Variants in TSC22D1 observed in about 807,000 individuals in gnomAD.
The protein encoded by TSC22D1 is TSC22 domain family member 1, also known as TSC22 domain family protein 1.
In TSC22D1, 9 loss-of-function variants were observed where a neutral mutation model predicts 74.2. The observed-to-expected ratio is 0.12, with a 90% CI of 0.07 to 0.21. The LOEUF is 0.21. Ranked by LOEUF, TSC22D1 falls within the 10% of genes least tolerant of loss-of-function variation. The probability of loss-of-function intolerance (pLI) is 1.00; values close to 1 mark genes in which losing one functional copy is unlikely to be tolerated. For synonymous variants in TSC22D1, 586 were observed against 492.5 expected (o/e 1.19, Z -2.51); for missense variants, 1,427 against 1,304.7 (o/e 1.09, Z -1.44).
chr13:44,555,093 TGGAA>T, intron 1 of TSC22D1, among the ~76,000 whole-genome samples: 1 of 150,008 alleles, frequency 6.7e-6, no homozygotes, highest in South Asian at 2.1e-4. Context: ...TGAATACAAC[TGGAA>T]AGATAACTAG....
At chr13:44,545,440 A>G (rs1354821787) in intron 1 of TSC22D1, among the ~76,000 whole-genome samples, 1 of 152,176 alleles carries the variant, frequency 6.6e-6, no homozygotes, top group Non-Finnish European at 1.5e-5. Context: ...GAAGATCTCT[A>G]AATTGCTCTA....
Position 44,433,228 on chromosome 13 carries a change from G to GGGAA in TSC22D1, c.*1394_*1397dup, listed in dbSNP as rs1874201070. 1 of 152,200 alleles carries GGGAA rather than the reference G, an allele frequency of 6.6e-6. No homozygotes were observed. The highest frequency in any genetic ancestry group is 2.1e-4 in the South Asian group (1 of 4,834). The allele number at this position is 152,200 out of a possible 1,614,324, so 9.4% of individuals were successfully genotyped here. A position where few individuals can be genotyped will look rare whatever the true frequency, so the allele number is the denominator to read the frequency against. On this transcript the variant is annotated 3_prime_UTR_variant, in exon 3 of 3. Coordinates refer to ENST00000458659, the MANE Select transcript of TSC22D1 (RefSeq NM_183422.4). Reference sequence around the variant, plus strand: ...GACTCCTAGAATTTTAAAGCCAAAGGGGAATGTAAGAGATCATCTCTTTCA... The same window carrying GGGAA: ...GACTCCTAGAATTTTAAAGCCAAAGGGGAAGGAATGTAAGAGATCATCTCTTTCA...
intron 1 of TSC22D1, chr13:44,537,405 G>C: frequency 1.0e-6 from 1 of 985,056 alleles, no homozygotes; most frequent in African/African-American, 1.7e-5. Flanking sequence ...TTAAGGAACA[G>C]AGCTAAAATT....
At chr13:44,572,825 TTAAC>T (rs1002621249) in intron 1 of TSC22D1, among the ~76,000 whole-genome samples, 34 of 152,346 alleles carry the variant, frequency 2.2e-4, no homozygotes, top group African/African-American at 7.2e-4. Flanking sequence ...TCAAAATAGA[TTAAC>T]TATTATGTGG....
At chr13:44,523,767 G>C (rs1436417952) in intron 1 of TSC22D1, among the ~76,000 whole-genome samples, 4 of 152,146 alleles carry the variant, frequency 2.6e-5, no homozygotes, top group African/African-American at 9.7e-5. Context: ...AATATAAGTA[G>C]ACAACTCTTG....
rs548166969 is a variant in TSC22D1 at position 44,557,379 on chromosome 13, T to C, written c.2912+15784A>G. 3.5e-3 allele frequency among the ~76,000 whole-genome samples: 530 copies of C among 152,344 alleles called. 1 individual carries two copies. The highest frequency in any genetic ancestry group is 5.8e-3 in the Non-Finnish European group (397 of 68,030). On this transcript the variant is annotated intron_variant, in intron 1 of 2. Transcript: ENST00000458659. ...GGGAGGCTGAGGCAGGAGAATTGCT[T>C]GAACCTGCGAGGTGGAGGTTGCGGT... is the stretch of plus-strand genomic sequence containing the variant.
intron 1 of TSC22D1, among the ~76,000 whole-genome samples, chr13:44,484,144 T>G (rs1878321881): frequency 6.6e-6 from 1 of 152,098 alleles, no homozygotes; most frequent in African/African-American, 2.4e-5. Flanking sequence ...ATCACAAAGT[T>G]TGAAACTGAA....
Position 44,562,478 on chromosome 13 carries a change from T to C in TSC22D1, c.2912+10685A>G, listed in dbSNP as rs527392120. ...TGTGGCTCTTTAAATATCAGCAAAA[T>C]AACCAAAATGCTCACATTTAGTATC... On this transcript the variant is annotated intron_variant, in intron 1 of 2. Coordinates refer to ENST00000458659, the MANE Select transcript of TSC22D1 (RefSeq NM_183422.4). Among the ~76,000 whole-genome samples, 6 of 152,238 alleles carry C rather than the reference T, an allele frequency of 3.9e-5. No homozygotes were observed. The East Asian group carries it at 1.2e-3, about 29-fold the overall frequency.
chr13:44,446,867 AAAAG>A (rs1875717961), intron 1 of TSC22D1, among the ~76,000 whole-genome samples: 1 of 10,244 alleles, frequency 9.8e-5, no homozygotes, highest in African/African-American at 1.4e-4. Context: ...AAGAAGAAGA[AAAAG>A]AAACATATTT....
chr13:44,448,350 A>G (rs769436071), intron 1 of TSC22D1, among the ~76,000 whole-genome samples: 2 of 152,198 alleles, frequency 1.3e-5, no homozygotes, highest in Non-Finnish European at 2.9e-5. Context: ...CCTGGTAGGA[A>G]CTAGACTAAC....
chr13:44,495,651 TA>T (rs1002956330), intron 1 of TSC22D1, among the ~76,000 whole-genome samples: 26 of 150,180 alleles, frequency 1.7e-4, no homozygotes, highest in African/African-American at 5.6e-4. Flanking sequence ...AGCAACAACA[TA>T]AAAAAAAACA....
chr13:44,532,319 C>T (rs1288991754), intron 1 of TSC22D1, among the ~76,000 whole-genome samples: 1 of 152,182 alleles, frequency 6.6e-6, no homozygotes, highest in African/African-American at 2.4e-5. Context: ...AAATCAAGCA[C>T]TTTACTGGAT....
chr13:44,495,507 A>T (rs1047019688), intron 1 of TSC22D1, among the ~76,000 whole-genome samples: 5 of 152,216 alleles, frequency 3.3e-5, no homozygotes, highest in Non-Finnish European at 7.4e-5. Flanking sequence ...GTATAGATAA[A>T]TATGAAAGTC....
intron 1 of TSC22D1, among the ~76,000 whole-genome samples, chr13:44,572,883 TTA>T (rs1461337419): frequency 6.6e-6 from 1 of 152,208 alleles, no homozygotes; most frequent in African/African-American, 2.4e-5. Context: ...AAAAAGCATT[TTA>T]GAGATAATAA....
chr13:44,574,953 G>C lies in TSC22D1; in HGVS notation c.1122C>G (p.Ser374=), dbSNP rs571802454. Reference sequence around the variant, plus strand: ...TAGGAACACTGCTAACAGCAGCAGAGGAAGAAATAGTACCATTGCCCATGC... The same window carrying C: ...TAGGAACACTGCTAACAGCAGCAGACGAAGAAATAGTACCATTGCCCATGC... The part of the protein sequence containing the change: ...LSGMGNGTIS[S]SAAVSSVPNA... Residue 374 remains serine, a synonymous_variant, in exon 1 of 3, where the codon TCC becomes TCG. Transcript: ENST00000458659. 1 of 1,614,094 alleles carries C rather than the reference G, an allele frequency of 6.2e-7. No homozygotes were observed. The highest frequency in any genetic ancestry group is 2.2e-5 in the East Asian group (1 of 44,882).
At chr13:44,522,977 G>GA (rs1354179134) in intron 1 of TSC22D1, among the ~76,000 whole-genome samples, 1 of 142,498 alleles carries the variant, frequency 7.0e-6, no homozygotes, top group Non-Finnish European at 1.5e-5. Context: ...ACACAATAAA[G>GA]AAAAAATCTT....
At position 44,443,209 on chromosome 13, in the gene TSC22D1, G is replaced by A. The variant is rs147972143; in HGVS notation, c.2913-7114C>T. Among the ~76,000 whole-genome samples, 638 of 151,702 alleles carry A rather than the reference G, an allele frequency of 4.2e-3. 9 individuals are homozygous for A. Among genetic ancestry groups the A allele is most frequent in the Non-Finnish European group, 6.7e-3 (457 of 67,910 alleles). ...CAGTGATAAAATCTTAGAAGCAGCT[G>A]GAAAAAATTGCTATGTACAGAGCAA... On this transcript the variant is annotated intron_variant, in intron 1 of 2. Coordinates refer to ENST00000458659, the MANE Select transcript of TSC22D1 (RefSeq NM_183422.4).
At chr13:44,436,803 A>AG (rs1327652776) in intron 1 of TSC22D1, 2 of 1,401,682 alleles carry the variant, frequency 1.4e-6, no homozygotes, top group Non-Finnish European at 1.8e-6. Context: ...TGCGGATCCC[A>AG]GTGCCGTGAA....
Position 44,574,618 on chromosome 13 carries a change from C to T in TSC22D1, c.1457G>A (p.Ser486Asn), listed in dbSNP as rs777851833. Residue 486 changes from serine (S) to asparagine (N), a missense_variant, in exon 1 of 3, where the codon AGT becomes AAT. Ser to Asn is a conservative substitution (Grantham distance 46). Around this residue, in one of 3 missense-constraint regions of TSC22D1, gnomAD observed 1,343 missense variants for 1,191.5 expected, o/e 1.13. Transcript: ENST00000458659. The stretch of plus-strand genomic sequence containing the variant: ...CACAGTAGGGGCTCCCATCTCTCCA[C>T]TTCCCACACTCTCTGTATAGTGACT... ...TLSHYTESVG[S>N]GEMGAPTVVV... The T allele has an allele frequency of 1.2e-5, 19 of 1,613,996 alleles. No individual in the cohort carries two copies. The highest frequency in any genetic ancestry group is 1.5e-5 in the Non-Finnish European group (18 of 1,180,042).
Sources: gnomAD v4.1 joint callset for allele counts (sites outside exome capture counted in the v4.1 genomes callset) on GRCh38, gnomAD v4.1.1 for gene constraint, gnomAD v4.1.1 regional missense constraint, MANE v1.5 for transcripts, NCBI Gene and HGNC (gene_info 2026-07-23, HGNC 2026-07-21) for gene names.